The following CHST9 variants were observed in gnomAD, a reference collection of about 807,000 sequenced individuals.
CHST9 encodes the protein carbohydrate sulfotransferase 9.
Under a neutral mutation model 44.4 loss-of-function variants are expected in CHST9, and 41 were observed. That is an observed-to-expected ratio of 0.92 (90% confidence interval 0.72 to 1.20). The LOEUF (loss-of-function observed/expected upper bound fraction) is 1.20, where lower values mean the gene tolerates loss of function less well. Ranked by LOEUF, CHST9 falls within the 50% of genes most tolerant of loss-of-function variation. CHST9 has a pLI of 0.00. For synonymous variants in CHST9, 171 were observed against 178.4 expected, an observed-to-expected ratio of 0.96 and a Z score of 0.33; for missense variants, 504 against 516.5, an observed-to-expected ratio of 0.98 and a Z score of 0.23.
At position 26,917,223 on chromosome 18, in the gene CHST9, T is replaced by G. The variant is rs2145046893; in HGVS notation, c.368A>C (p.Lys123Thr). The G allele has an allele frequency of 6.2e-7, 1 of 1,613,950 alleles. No individual in the cohort carries two copies. Among genetic ancestry groups the G allele is most frequent in the South Asian group, 1.1e-5 (1 of 91,078 alleles). The change falls in exon 6 of 6, where the codon AAG becomes ACG. Residue 123 changes from lysine (K) to threonine (T), a missense_variant. Coordinates refer to ENST00000618847, the MANE Select transcript of CHST9 (RefSeq NM_031422.6). The stretch of plus-strand genomic sequence containing the variant: ...CTTCTCTGTTGGTGACCCTGTGGAC[T>G]TACTTAAAGCTTGATCCCCTCCTTG... ...HSQGGDQALS[K>T]STGSPTEKLI...
At chr18:27,123,499 A>G (rs2058393076) in intron 2 of CHST9, among the ~76,000 whole-genome samples, 1 of 152,224 alleles carries the variant, frequency 6.6e-6, no homozygotes, top group South Asian at 2.1e-4. Context: ...ATAGTTTATA[A>G]TACCATAAAG....
intron 5 of CHST9, among the ~76,000 whole-genome samples, chr18:26,925,076 CAA>C (rs549810452): frequency 2.6e-3 from 388 of 151,842 alleles, no homozygotes; most frequent in South Asian, 6.9e-3. Flanking sequence ...ATAAGAAAAC[CAA>C]AGTTATACTT....
At chr18:27,077,740 T>C (rs1359487549) in intron 2 of CHST9, among the ~76,000 whole-genome samples, 2 of 152,208 alleles carry the variant, frequency 1.3e-5, no homozygotes, top group Non-Finnish European at 2.9e-5. Context: ...AGGTAAATAA[T>C]GTATCTTGCT....
At chr18:27,096,660 GCACA>G (rs1445645640) in intron 2 of CHST9, among the ~76,000 whole-genome samples, 8 of 152,000 alleles carry the variant, frequency 5.3e-5, no homozygotes, top group Admixed American at 5.2e-4. Flanking sequence ...ACACCTTTAT[GCACA>G]CAAACTAGAA....
chr18:26,911,467 G>A lies in CHST9; in HGVS notation c.*4792C>T, dbSNP rs1478294570. ...TAATCTGATGCATGTTACACCAGGGGAAAACTCTGCTGTCTTTTTCTGCCT... is the reference window on the plus strand; with the variant it reads ...TAATCTGATGCATGTTACACCAGGGAAAAACTCTGCTGTCTTTTTCTGCCT... On this transcript the variant is annotated 3_prime_UTR_variant, in exon 6 of 6. Coordinates refer to ENST00000618847, the MANE Select transcript of CHST9 (RefSeq NM_031422.6). 1 of 152,170 alleles carries A rather than the reference G, an allele frequency of 6.6e-6. No individual in the cohort carries two copies. The highest frequency in any genetic ancestry group is 6.5e-5 in the Admixed American group (1 of 15,268). 9.4% of individuals were successfully genotyped at this position (152,170 alleles called of 1,614,324 possible).
intron 2 of CHST9, among the ~76,000 whole-genome samples, chr18:27,112,271 G>C (rs1035848764): frequency 6.6e-6 from 1 of 151,322 alleles, no homozygotes; most frequent in African/African-American, 2.4e-5. Context: ...GTATGTGTGT[G>C]TGTATAACAG....
intron 5 of CHST9, among the ~76,000 whole-genome samples, chr18:26,940,786 G>A (rs1010479796): frequency 2.6e-5 from 4 of 152,176 alleles, no homozygotes; most frequent in Non-Finnish European, 5.9e-5. Context: ...TAGTACCTAA[G>A]AATACAACCT....
intron 5 of CHST9, chr18:26,936,178 G>C (rs1472406047): frequency 1.3e-5 from 2 of 152,084 alleles, no homozygotes; most frequent in African/African-American, 4.8e-5. Context: ...GAATTAGCCT[G>C]GTATTCACGA....
intron 2 of CHST9, among the ~76,000 whole-genome samples, chr18:27,118,334 G>C (rs1455513514): frequency 2.0e-5 from 3 of 152,184 alleles, no homozygotes; most frequent in Non-Finnish European, 4.4e-5. Flanking sequence ...CTTCCAGTCT[G>C]TGGCTGGTCT....
chr18:26,960,864 C>G (rs2056390063), intron 4 of CHST9, among the ~76,000 whole-genome samples: 1 of 152,160 alleles, frequency 6.6e-6, no homozygotes, highest in Admixed American at 6.5e-5. Context: ...TCTCTTCCTT[C>G]TAGTAATAAT....
In CHST9 at chr18:26,977,797, T is replaced by C. The variant is rs549623256; in HGVS notation, c.203-33431A>G. Among the ~76,000 whole-genome samples, 12 of 152,310 alleles carry C rather than the reference T, an allele frequency of 7.9e-5. 1 individual carries two copies. Among genetic ancestry groups the C allele is most frequent in the African/African-American group, 2.6e-4 (11 of 41,570 alleles). On this transcript the variant is annotated intron_variant, in intron 4 of 5. Coordinates refer to ENST00000618847, the MANE Select transcript of CHST9 (RefSeq NM_031422.6). ...GAGAACATTCCCATGAGCAAAAGTC[T>C]GACTCTCATTCCAAGTGGTGACATT...
At chr18:26,936,291 G>A (rs1024478153) in intron 5 of CHST9, 6 of 151,750 alleles carry the variant, frequency 4.0e-5, no homozygotes, top group African/African-American at 1.5e-4. Context: ...AAAATATCAA[G>A]TTTTCATTTG....
chr18:26,927,549 A>C (rs1005150578), intron 5 of CHST9, among the ~76,000 whole-genome samples: 10 of 152,110 alleles, frequency 6.6e-5, no homozygotes, highest in Non-Finnish European at 1.5e-5. Context: ...TCTGTATCAT[A>C]AACAAGGTAA....
At chr18:26,964,127 G>A (rs2056434667) in intron 4 of CHST9, among the ~76,000 whole-genome samples, 1 of 152,170 alleles carries the variant, frequency 6.6e-6, no homozygotes, top group Non-Finnish European at 1.5e-5. Flanking sequence ...ACACAAGTTG[G>A]ACAACATTTA....
chr18:27,016,665 T>C (rs2057158284), intron 4 of CHST9, among the ~76,000 whole-genome samples: 1 of 152,196 alleles, frequency 6.6e-6, no homozygotes. Context: ...TGTTAGAGCT[T>C]TCCTAAGCTC....
intron 5 of CHST9, among the ~76,000 whole-genome samples, chr18:26,929,804 A>G (rs767908470): frequency 6.6e-6 from 1 of 152,176 alleles, no homozygotes; most frequent in Non-Finnish European, 1.5e-5. Flanking sequence ...AAAGTAGCAG[A>G]ATAGGAGTCT....
chr18:27,021,408 C>T (rs897800144), intron 4 of CHST9, among the ~76,000 whole-genome samples: 10 of 152,208 alleles, frequency 6.6e-5, no homozygotes, highest in African/African-American at 1.9e-4. Flanking sequence ...ATGCTGAGGC[C>T]GGAGAACAGG....
chr18:26,998,753 AAAG>A (rs1323125056), intron 4 of CHST9, among the ~76,000 whole-genome samples: 6 of 151,414 alleles, frequency 4.0e-5, no homozygotes, highest in Middle Eastern at 3.4e-3. Flanking sequence ...AAAAAAAAAA[AAAG>A]AAAGAAAGAA....
intron 4 of CHST9, among the ~76,000 whole-genome samples, chr18:26,960,602 G>A (rs1239310196): frequency 6.6e-6 from 1 of 152,182 alleles, no homozygotes; most frequent in South Asian, 2.1e-4. Context: ...TTATTGGAAC[G>A]CTAAGCATAT....
Sources: gnomAD v4.1 joint callset for allele counts (sites outside exome capture counted in the v4.1 genomes callset) on GRCh38, gnomAD v4.1.1 for gene constraint, MANE v1.5 for transcripts, NCBI Gene and HGNC (gene_info 2026-07-23, HGNC 2026-07-21) for gene names.